PRIM2: variants seen among roughly 807,000 people sequenced by gnomAD.
PRIM2 encodes the protein DNA primase large subunit.
A neutral mutation model predicts 67.3 loss-of-function variants in PRIM2; 39 were observed. The ratio of observed to expected loss-of-function variants is 0.58; its 90% CI spans 0.45 to 0.76. The LOEUF (loss-of-function observed/expected upper bound fraction) is 0.76. Among genes scored for constraint, PRIM2 ranks in the 30% least tolerant of loss-of-function variants. PRIM2 has a pLI of 0.00. For missense variants in PRIM2, 398 were observed against 598.7 expected, an observed-to-expected ratio of 0.66 and a Z score of 3.50; for synonymous variants, 143 against 198.7, an observed-to-expected ratio of 0.72 and a Z score of 2.36.
chr6:57,511,138 A>G (rs1208730531), intron 8 of PRIM2, among the ~76,000 whole-genome samples: 105 of 152,146 alleles, frequency 6.9e-4, no homozygotes, highest in Admixed American at 2.0e-3. Flanking sequence ...ATTTTACAGG[A>G]TTTAGAGACT....
chr6:57,353,779 T>C (rs1768934518), intron 5 of PRIM2, among the ~76,000 whole-genome samples: 2 of 152,098 alleles, frequency 1.3e-5, no homozygotes, highest in Admixed American at 1.3e-4. Flanking sequence ...GAAACTGGGG[T>C]TTAATAGACG....
At chr6:57,581,207 C>T (rs1485022001) in intron 10 of PRIM2, among the ~76,000 whole-genome samples, 40 of 152,182 alleles carry the variant, frequency 2.6e-4, no homozygotes, top group South Asian at 2.1e-3. Flanking sequence ...AGTGAAAAGA[C>T]CATTTATTCA....
chr6:57,434,116 G>A (rs1333772392), intron 7 of PRIM2, among the ~76,000 whole-genome samples: 3 of 151,930 alleles, frequency 2.0e-5, no homozygotes, highest in African/African-American at 7.3e-5. Flanking sequence ...TAGAGACGGG[G>A]TTTCTCCATG....
At chr6:57,273,093 C>A in the PRIM2 span, among the ~76,000 whole-genome samples, 1 of 152,108 alleles carries the variant, frequency 6.6e-6, no homozygotes, top group African/African-American at 2.4e-5. Context: ...GTGAATCTGA[C>A]AATTATGTGT....
intron 7 of PRIM2, among the ~76,000 whole-genome samples, chr6:57,411,656 A>G (rs1771092187): frequency 6.6e-6 from 1 of 152,042 alleles, no homozygotes; most frequent in African/African-American, 2.4e-5. Flanking sequence ...GATTAAAACA[A>G]TATTAAGTCA....
chr6:57,367,780 C>A (rs9464452), intron 5 of PRIM2, among the ~76,000 whole-genome samples: 2,205 of 152,290 alleles, frequency 0.014, 53 homozygotes, highest in African/African-American at 0.05. Flanking sequence ...GGTGGTTGGA[C>A]TTCTTACTTC....
chr6:57,269,352 T>G, the PRIM2 span, among the ~76,000 whole-genome samples: 2 of 152,038 alleles, frequency 1.3e-5, no homozygotes, highest in East Asian at 1.9e-4. Context: ...GGTATCTCAT[T>G]GTGGTTTTGA....
At chr6:57,322,673 T>A (rs1767699230) in intron 3 of PRIM2, among the ~76,000 whole-genome samples, 1 of 152,150 alleles carries the variant, frequency 6.6e-6, no homozygotes, top group Admixed American at 6.5e-5. Flanking sequence ...TTTCCTTTTA[T>A]GGGTTTACTC....
intron 7 of PRIM2, among the ~76,000 whole-genome samples, chr6:57,458,167 G>A (rs1326599090): frequency 2.0e-5 from 3 of 152,138 alleles, no homozygotes; most frequent in East Asian, 3.8e-4. Context: ...CTTGTGCATC[G>A]TGGGTTGATT....
chr6:57,492,795 C>T (rs1773928236), intron 7 of PRIM2, among the ~76,000 whole-genome samples: 1 of 152,068 alleles, frequency 6.6e-6, no homozygotes, highest in Admixed American at 6.6e-5. Flanking sequence ...ATTGTCAGCA[C>T]ATCTTTAAAG....
the PRIM2 span, among the ~76,000 whole-genome samples, chr6:57,237,696 T>G: frequency 1.3e-5 from 2 of 152,224 alleles, no homozygotes; most frequent in African/African-American, 4.8e-5. Context: ...TTCTTGTTTT[T>G]CTCAGGTTTG....
At chr6:57,636,385 TTTAG>T (rs1777121984) in intron 13 of PRIM2, among the ~76,000 whole-genome samples, 1 of 152,144 alleles carries the variant, frequency 6.6e-6, no homozygotes, top group African/African-American at 2.4e-5. Context: ...TTCCATTCTG[TTTAG>T]TTTATGCTCT....
intron 10 of PRIM2, among the ~76,000 whole-genome samples, chr6:57,589,778 G>T (rs1381559862): frequency 6.6e-6 from 1 of 152,096 alleles, no homozygotes; most frequent in Non-Finnish European, 1.5e-5. Context: ...GAACTATAGC[G>T]GCAAAGCAGG....
At chr6:57,523,850 A>G (rs1488829136) in intron 8 of PRIM2, among the ~76,000 whole-genome samples, 1 of 152,248 alleles carries the variant, frequency 6.6e-6, no homozygotes, top group African/African-American at 2.4e-5. Context: ...CTAAGTGCTC[A>G]TATTGATATT....
In PRIM2 at chr6:57,399,515, C is replaced by T. The variant is rs185671971; in HGVS notation, c.693+17347C>T. ...GCAGTAAACACACGTGTGCATATGTCTTTATAGCAGCATGATTTATAATCC... is the reference window on the plus strand; with the variant it reads ...GCAGTAAACACACGTGTGCATATGTTTTTATAGCAGCATGATTTATAATCC... On this transcript the variant is annotated intron_variant, in intron 7 of 13. Coordinates refer to ENST00000615550, the MANE Select transcript of PRIM2 (RefSeq NM_000947.5). 7.1e-3 allele frequency among the ~76,000 whole-genome samples: 1,075 copies of T among 152,250 alleles called. 8 individuals carry two copies. The highest frequency in any genetic ancestry group is 0.014 in the Middle Eastern group (4 of 294).
the PRIM2 span, among the ~76,000 whole-genome samples, chr6:57,305,412 G>C: frequency 1.3e-5 from 2 of 152,198 alleles, no homozygotes; most frequent in East Asian, 3.8e-4. Flanking sequence ...AGAGGCAGGG[G>C]TGCAGAAATG....
the PRIM2 span, among the ~76,000 whole-genome samples, chr6:57,268,740 G>A: frequency 2.0e-5 from 3 of 149,682 alleles, no homozygotes; most frequent in East Asian, 2.0e-4. Context: ...CCATTAACTC[G>A]TCATTTAGCA....
chr6:57,397,880 A>G (rs1175276965), intron 7 of PRIM2, among the ~76,000 whole-genome samples: 4 of 140,900 alleles, frequency 2.8e-5, no homozygotes, highest in Non-Finnish European at 6.1e-5. Flanking sequence ...TAAGTTGCTA[A>G]TTTGAGATCT....
At chr6:57,629,347 T>A (rs1381068786) in intron 12 of PRIM2, among the ~76,000 whole-genome samples, 2 of 152,212 alleles carry the variant, frequency 1.3e-5, no homozygotes, top group Non-Finnish European at 2.9e-5. Flanking sequence ...GTTTAGTGGC[T>A]ACTGCGTGAT....
Sources: gnomAD v4.1 joint callset for allele counts (sites outside exome capture counted in the v4.1 genomes callset) on GRCh38, gnomAD v4.1.1 for gene constraint, MANE v1.5 for transcripts, NCBI Gene and HGNC (gene_info 2026-07-23, HGNC 2026-07-21) for gene names.